WWP1: variants seen among roughly 807,000 people sequenced by gnomAD.
WWP1 encodes the protein NEDD4-like E3 ubiquitin-protein ligase WWP1.
Under a neutral mutation model 130.6 loss-of-function variants are expected in WWP1, and 49 were observed. That is an observed-to-expected ratio of 0.38 (90% CI 0.30 to 0.48). The LOEUF (loss-of-function observed/expected upper bound fraction) is 0.48, where lower values mean the gene tolerates loss of function less well. WWP1 is among the 20% of genes least tolerant of loss of function. The probability of loss-of-function intolerance (pLI) is 0.99; values close to 1 mark genes in which losing one functional copy is unlikely to be tolerated. For missense variants in WWP1, 809 were observed against 1,100.6 expected, an observed-to-expected ratio of 0.74 and a Z score of 3.75; for synonymous variants, 332 against 367.8, an observed-to-expected ratio of 0.90 and a Z score of 1.11.
intron 1 of WWP1, among the ~76,000 whole-genome samples, chr8:86,350,479 T>C (rs1822850734): frequency 6.6e-6 from 1 of 151,878 alleles, no homozygotes; most frequent in Non-Finnish European, 1.5e-5. Context: ...TGCATCCTAA[T>C]GCAAATCTCT....
At chr8:86,466,086 A>C (rs1812095839) in intron 24 of WWP1, among the ~76,000 whole-genome samples, 1 of 152,140 alleles carries the variant, frequency 6.6e-6, no homozygotes, top group Non-Finnish European at 1.5e-5. Context: ...AGGGACCAAA[A>C]CCCTGAACAC....
chr8:86,410,475 G>A (rs1269782706), intron 8 of WWP1, among the ~76,000 whole-genome samples: 2 of 151,954 alleles, frequency 1.3e-5, no homozygotes, highest in Non-Finnish European at 2.9e-5. Context: ...CACTTGGAAA[G>A]GTATATTTCA....
chr8:86,464,520 A>T (rs1306237295), intron 24 of WWP1, among the ~76,000 whole-genome samples: 1 of 150,078 alleles, frequency 6.7e-6, no homozygotes, highest in Non-Finnish European at 1.5e-5. Context: ...TTGGAAATCC[A>T]TTTTTTTTTT....
rs777291038 is a variant in WWP1 at position 86,381,525 on chromosome 8, C to T, written c.230C>T (p.Thr77Ile). The change falls in exon 5 of 25, where the codon ACA becomes ATA. Residue 77 changes from threonine to isoleucine, a missense_variant. Physicochemically the swap from Thr to Ile is moderately conservative, Grantham distance 89 (BLOSUM62 -1). Coordinates refer to ENST00000517970, the MANE Select transcript of WWP1 (RefSeq NM_007013.4). Reference sequence around the variant, plus strand: ...TCCAGAAATGTTACGCCACAGACTACATTGGAATTTCAAGTTTGGAGCCAT... The same window carrying T: ...TCCAGAAATGTTACGCCACAGACTATATTGGAATTTCAAGTTTGGAGCCAT... ...QLTVNVTPQT[T>I]LEFQVWSHRT... 6.2e-7 allele frequency: 1 copy of T among 1,608,828 alleles called. No homozygotes were observed. The highest frequency in any genetic ancestry group is 2.2e-5 in the East Asian group (1 of 44,552).
intron 9 of WWP1, among the ~76,000 whole-genome samples, chr8:86,422,559 G>C (rs1250899312): frequency 6.6e-6 from 1 of 151,402 alleles, no homozygotes; most frequent in Non-Finnish European, 1.5e-5. Context: ...TTTTAGTAGA[G>C]ATGGGGTTTC....
At chr8:86,397,688 A>G (rs1369180315) in intron 5 of WWP1, among the ~76,000 whole-genome samples, 2 of 152,200 alleles carry the variant, frequency 1.3e-5, no homozygotes, top group Non-Finnish European at 2.9e-5. Flanking sequence ...ATAGTCTAAC[A>G]TAGAAGTTGA....
intron 24 of WWP1, among the ~76,000 whole-genome samples, chr8:86,462,063 T>G (rs1254704413): frequency 2.6e-5 from 4 of 152,180 alleles, no homozygotes; most frequent in African/African-American, 9.7e-5. Flanking sequence ...ATTCAACAAG[T>G]ATTAGTGTAC....
At chr8:86,381,002 A>C (rs1586306803) in intron 4 of WWP1, 138 bp downstream of exon 4, 3 of 1,177,096 alleles carry the variant, frequency 2.5e-6, no homozygotes, top group East Asian at 5.9e-5. Flanking sequence ...AGTATGGAGA[A>C]ATTTTTGGTT....
At chr8:86,385,305 A>G (rs950186209) in intron 5 of WWP1, among the ~76,000 whole-genome samples, 6 of 152,094 alleles carry the variant, frequency 3.9e-5, no homozygotes, top group East Asian at 1.9e-4. Flanking sequence ...TTCCTCATCT[A>G]TTTGCAGAGG....
intron 1 of WWP1, among the ~76,000 whole-genome samples, chr8:86,360,000 G>A (rs1007661094): frequency 1.3e-5 from 2 of 151,800 alleles, no homozygotes; most frequent in Admixed American, 1.3e-4. Flanking sequence ...AGTGAGCTGA[G>A]ATTGCGCCAC....
chr8:86,390,306 A>G, intron 5 of WWP1, among the ~76,000 whole-genome samples: 1 of 152,186 alleles, frequency 6.6e-6, no homozygotes, highest in Non-Finnish European at 1.5e-5. Flanking sequence ...GGCTGGGCAC[A>G]GGCTGCAATC....
At chr8:86,462,131 ATGGTGGGG>A in intron 24 of WWP1, among the ~76,000 whole-genome samples, 1 of 152,168 alleles carries the variant, frequency 6.6e-6, no homozygotes. Flanking sequence ...TTTGTGCCCC[ATGGTGGGG>A]CACAAATGAC....
chr8:86,414,134 A>C (rs1808737836), intron 9 of WWP1, among the ~76,000 whole-genome samples: 1 of 152,242 alleles, frequency 6.6e-6, no homozygotes, highest in Admixed American at 6.5e-5. Context: ...ATTTGAACAC[A>C]TAATGAAATA....
At chr8:86,394,800 C>T (rs1386778600) in intron 5 of WWP1, among the ~76,000 whole-genome samples, 1 of 151,922 alleles carries the variant, frequency 6.6e-6, no homozygotes, top group Non-Finnish European at 1.5e-5. Context: ...TGTTATAACT[C>T]AATCTTCCAT....
intron 1 of WWP1, among the ~76,000 whole-genome samples, chr8:86,361,974 GTATATATATATATATATACA>G (rs1823631917): frequency 7.8e-6 from 1 of 127,610 alleles, no homozygotes; most frequent in African/African-American, 2.8e-5. Flanking sequence ...GTGTGTGTGT[GTATATATATATATATATACA>G]TATATATACA....
intron 14 of WWP1, among the ~76,000 whole-genome samples, chr8:86,432,124 T>A (rs1245345480): frequency 2.6e-5 from 4 of 152,160 alleles, no homozygotes; most frequent in Admixed American, 6.5e-5. Flanking sequence ...TGACAGTCAG[T>A]CTCTGTCTAG....
chr8:86,419,189 G>A (rs1718020755), intron 9 of WWP1, among the ~76,000 whole-genome samples: 1 of 152,202 alleles, frequency 6.6e-6, no homozygotes. Context: ...GGAGGCCTGG[G>A]CACGCAGATC....
rs140965765 is a variant in WWP1, at chr8:86,462,556, A to G, written c.2669+710A>G. On this transcript the variant is annotated intron_variant, in intron 24 of 24. Transcript: ENST00000517970. The stretch of plus-strand genomic sequence containing the variant: ...AAATTAGACAGCTTTGAAGAGTTTT[A>G]AATAACAAGTAATGAATCCCAGAAA... 1.4e-4 allele frequency among the ~76,000 whole-genome samples: 21 copies of G among 152,318 alleles called. 1 individual carries two copies. In the East Asian group the frequency reaches 3.9e-3, roughly 28 times the overall value.
intron 21 of WWP1, among the ~76,000 whole-genome samples, chr8:86,455,214 C>G (rs1319860749): frequency 6.6e-6 from 1 of 151,962 alleles, no homozygotes; most frequent in East Asian, 1.9e-4. Context: ...CAACAAAAAA[C>G]CTCAGCATTA....
Sources: gnomAD v4.1 joint callset for allele counts (sites outside exome capture counted in the v4.1 genomes callset) on GRCh38, gnomAD v4.1.1 for gene constraint, MANE v1.5 for transcripts, NCBI Gene and HGNC (gene_info 2026-07-23, HGNC 2026-07-21) for gene names.